TICRR: variants seen among roughly 807,000 people sequenced by gnomAD.
The protein encoded by TICRR is TOPBP1 interacting checkpoint and replication regulator.
TICRR carries 132 observed loss-of-function variants against 178.1 expected under a neutral mutation model. That is an observed-to-expected ratio of 0.74 (90% CI 0.64 to 0.86). TICRR has a LOEUF of 0.86. TICRR is among the 40% of genes least tolerant of loss of function. The probability of loss-of-function intolerance (pLI) is 0.00; values close to 1 mark genes in which losing one functional copy is unlikely to be tolerated. For synonymous variants in TICRR, 991 were observed against 900.7 expected, an observed-to-expected ratio of 1.10 and a Z score of -1.79; for missense variants, 2,587 against 2,334.3, an observed-to-expected ratio of 1.11 and a Z score of -2.23.
chr15:89,621,929 C>A (rs1963432001), intron 19 of TICRR, among the ~76,000 whole-genome samples: 2 of 152,006 alleles, frequency 1.3e-5, no homozygotes, highest in South Asian at 2.1e-4. Context: ...TTTTCCCTCT[C>A]CCCAGGCATA....
rs560376765 is a variant in TICRR at position 89,608,863 on chromosome 15, C to T, written c.2783C>T (p.Ser928Leu). ...NQELLSPSKRSLKRGLPRSHS... is the reference protein window; with the variant it reads ...NQELLSPSKRLLKRGLPRSHS... The stretch of plus-strand genomic sequence containing the variant: ...GAATTGCTTTCCCCTTCAAAGAGAT[C>T]ACTAAAGCGGGGGTTGCCTAGAAGC... The change falls in exon 15 of 22, where the codon TCA becomes TTA. Residue 928 changes from serine (S) to leucine (L), a missense_variant. Transcript: ENST00000268138. 8.7e-6 allele frequency: 14 copies of T among 1,610,070 alleles called. No homozygotes were observed. In the African/African-American group the frequency reaches 1.3e-4, roughly 15 times the overall value.
In TICRR at chr15:89,606,808, T is replaced by G. The variant is rs1476800031; in HGVS notation, c.2705T>G (p.Val902Gly). Residue 902 changes from valine to glycine, a missense_variant, in exon 14 of 22, where the codon GTG becomes GGG. Transcript: ENST00000268138. ...GCTCCTCAGCAGCCTTCCCAGCCAG[T>G]GAAAGATACAGTGCAAGGTATACTG... ...HPAPQQPSQP[V>G]KDTVQEVTKV... The G allele has an allele frequency of 1.4e-5, 23 of 1,613,880 alleles. No homozygotes were observed. The highest frequency in any genetic ancestry group is 1.9e-5 in the Non-Finnish European group (23 of 1,179,814).
rs748325287 is a variant in TICRR at position 89,624,405 on chromosome 15, A to T, written c.4095A>T (p.Ser1365=). 1.1e-5 allele frequency: 17 copies of T among 1,614,018 alleles called. No homozygotes were observed. ...TTCCCTCAACTCCCCCTGAACTCTCACAGAGAGCTACATTGGACACCGTCC... is the reference window on the plus strand; with the variant it reads ...TTCCCTCAACTCCCCCTGAACTCTCTCAGAGAGCTACATTGGACACCGTCC... ...CPVPSTPPEL[S]QRATLDTVPP... The change falls in exon 20 of 22, where the codon TCA becomes TCT. Residue 1365 remains serine, a synonymous_variant. Transcript: ENST00000268138.
In TICRR at chr15:89,624,389, C is replaced by T. The variant is rs780589668; in HGVS notation, c.4079C>T (p.Thr1360Ile). 1 of 1,614,156 alleles carries T rather than the reference C, an allele frequency of 6.2e-7. No homozygotes were observed. The highest frequency in any genetic ancestry group is 1.1e-5 in the South Asian group (1 of 91,084). ...TCTCTCTCCTGCCCTGTTCCCTCAA[C>T]TCCCCCTGAACTCTCACAGAGAGCT... ...AASLSCPVPSTPPELSQRATL... is the reference protein window; with the variant it reads ...AASLSCPVPSIPPELSQRATL... Residue 1360 changes from threonine (T) to isoleucine (I), a missense_variant, in exon 20 of 22, where the codon ACT (threonine) becomes ATT (isoleucine). Coordinates refer to ENST00000268138, the MANE Select transcript of TICRR (RefSeq NM_152259.4).
At position 89,576,858 on chromosome 15, in the gene TICRR, TATAC is replaced by T. The variant is rs1366935425; in HGVS notation, c.654+620_654+623del. ...ATATATATATATATATATATATATA[TATAC>T]ACACACACACATATATATACACATT... On this transcript the variant is annotated intron_variant, in intron 1 of 21. Transcript: ENST00000268138. Among the ~76,000 whole-genome samples the T allele has an allele frequency of 1.8e-3, 212 of 120,868 alleles. 4 individuals are homozygous for T. The South Asian group carries it at 0.035, about 20-fold the overall frequency. 79.3% of individuals were successfully genotyped at this position (120,868 alleles called of 152,430 possible).
At position 89,619,727 on chromosome 15, in the gene TICRR, T is replaced by C. The variant is rs1225099112; in HGVS notation, c.3039T>C (p.Ser1013=). The C allele has an allele frequency of 1.2e-6, 2 of 1,611,574 alleles. No individual in the cohort carries two copies. Among genetic ancestry groups the C allele is most frequent in the Non-Finnish European group, 1.7e-6 (2 of 1,179,452 alleles). Reference sequence around the variant, plus strand: ...TTACAGAAATAAGTCTGAGACGAAGTCCTCGAATCAAGCAGTTGTCATTTA... The same window carrying C: ...TTACAGAAATAAGTCTGAGACGAAGCCCTCGAATCAAGCAGTTGTCATTTA... ...EKGDEISLRR[S]PRIKQLSFSR... Residue 1013 remains serine (S), a synonymous_variant, in exon 18 of 22, where the codon AGT becomes AGC. Coordinates refer to ENST00000268138, the MANE Select transcript of TICRR (RefSeq NM_152259.4).
chr15:89,591,834 C>T (rs1962918007), intron 4 of TICRR: 1 of 408,078 alleles, frequency 2.5e-6, no homozygotes, highest in African/African-American at 2.0e-5. Flanking sequence ...GAACAAAAGA[C>T]TTTAAATTGT....
intron 19 of TICRR, among the ~76,000 whole-genome samples, chr15:89,622,034 T>C (rs1963435440): frequency 7.3e-6 from 1 of 137,382 alleles, no homozygotes; most frequent in Admixed American, 8.0e-5. Context: ...TTGCACAGGC[T>C]GGAGTGCAGT....
chr15:89,600,336 A>G (rs8030720), intron 8 of TICRR, among the ~76,000 whole-genome samples: 125,695 of 152,112 alleles, frequency 0.83, 52,720 homozygotes, highest in Non-Finnish European at 0.92. Flanking sequence ...GCACTGCTTT[A>G]TGGAACGTTT....
chr15:89,618,022 C>A, intron 16 of TICRR, 130 bp from the exon 17 acceptor site: 1 of 915,142 alleles, frequency 1.1e-6, no homozygotes, highest in Non-Finnish European at 1.8e-6. Context: ...GTATGAGAGC[C>A]CTTTACCAGC....
In TICRR at chr15:89,608,707, G is replaced by A. The variant is rs1056338692; in HGVS notation, c.2723-96G>A. ...CAATAGCAATCTGTAGTTTCCTCAA[G>A]GAGCTTCTCTGTTTTGGTTATCTTT... On this transcript the variant is annotated intron_variant, in intron 14 of 21. Transcript: ENST00000268138. 3 of 1,094,276 alleles carry A rather than the reference G, an allele frequency of 2.7e-6. No homozygotes were observed. The African/African-American group carries it at 4.9e-5, about 18-fold the overall frequency. 67.8% of individuals were successfully genotyped at this position (1,094,276 alleles called of 1,614,324 possible).
At chr15:89,576,805 GTGTGTA>G (rs1200060943) in intron 1 of TICRR, among the ~76,000 whole-genome samples, 5 of 18,144 alleles carry the variant, frequency 2.8e-4, no homozygotes, top group Non-Finnish European at 5.3e-4. Context: ...CCAGGGGTGT[GTGTGTA>G]TGTGTGTGTG....
intron 7 of TICRR, among the ~76,000 whole-genome samples, chr15:89,597,649 A>G (rs8034491): frequency 5.3e-5 from 8 of 152,280 alleles, no homozygotes; most frequent in African/African-American, 1.9e-4. Flanking sequence ...GTAGCTTTAT[A>G]GTAAGTCCTG....
intron 1 of TICRR, among the ~76,000 whole-genome samples, chr15:89,578,203 A>G (rs746374490): frequency 1.3e-5 from 2 of 152,204 alleles, no homozygotes; most frequent in African/African-American, 2.4e-5. Context: ...ACCAAGTGAA[A>G]GATGTGATTC....
chr15:89,594,955 C>T (rs1001773327), intron 6 of TICRR, among the ~76,000 whole-genome samples: 7 of 152,070 alleles, frequency 4.6e-5, no homozygotes, highest in African/African-American at 1.7e-4. Flanking sequence ...ATACATTATG[C>T]GTATAATTTG....
Position 89,608,897 on chromosome 15 carries a change from G to A in TICRR, c.2817G>A (p.Val939=). The change falls in exon 15 of 22, where the codon GTG becomes GTA. Residue 939 remains valine, a synonymous_variant. Transcript: ENST00000268138. ...LKRGLPRSHS[V]SAVDGLEDKL... ...GGGGGTTGCCTAGAAGCCATTCTGT[G>A]TCAGCTGTGGATGGTCTAGAGGATA... The A allele has an allele frequency of 1.2e-6, 2 of 1,611,398 alleles. No individual in the cohort carries two copies. The highest frequency in any genetic ancestry group is 1.7e-6 in the Non-Finnish European group (2 of 1,179,154).
At chr15:89,605,431 C>T (rs940181279) in intron 13 of TICRR, among the ~76,000 whole-genome samples, 3 of 152,144 alleles carry the variant, frequency 2.0e-5, no homozygotes, top group Non-Finnish European at 2.9e-5. Flanking sequence ...TGCAGTGGCA[C>T]GATCTCGACT....
chr15:89,619,644 C>A, intron 17 of TICRR, 64 bp from the exon 18 acceptor site: 1 of 1,544,320 alleles, frequency 6.5e-7, no homozygotes, highest in Non-Finnish European at 8.7e-7. Context: ...CGGTTTTGGA[C>A]AACATGAGAA....
At chr15:89,600,774 G>T in intron 9 of TICRR, 89 bp downstream of exon 9, 2 of 630,184 alleles carry the variant, frequency 3.2e-6, no homozygotes, top group Non-Finnish European at 5.3e-6. Flanking sequence ...TCGTGACATG[G>T]TGGCTCATGC....
Sources: allele counts gnomAD v4.1 joint callset (sites outside exome capture counted in the v4.1 genomes callset), GRCh38; gene constraint gnomAD v4.1.1; transcripts MANE v1.5; gene names NCBI Gene and HGNC (gene_info 2026-07-23, HGNC 2026-07-21).